The following MAF variants were observed in gnomAD, a reference collection of about 807,000 sequenced individuals.
MAF encodes the protein MAF bZIP transcription factor, also known as transcription factor Maf.
Under a neutral mutation model 22.0 loss-of-function variants are expected in MAF, and 10 were observed. That is an observed-to-expected ratio of 0.45 (90% CI 0.28 to 0.77). MAF has a LOEUF of 0.77. MAF is among the 30% of genes least tolerant of loss of function. The pLI is 0.12. For synonymous variants in MAF, 337 were observed against 255.8 expected, an observed-to-expected ratio of 1.32 and a Z score of -3.03; for missense variants, 544 against 548.4, an observed-to-expected ratio of 0.99 and a Z score of 0.08.
chr16:79,394,019 C>T, the MAF span, among the ~76,000 whole-genome samples: 1 of 152,158 alleles, frequency 6.6e-6, no homozygotes, highest in Non-Finnish European at 1.5e-5. Flanking sequence ...TTGCAAAGCA[C>T]CCTATTTCAC....
At chr16:79,429,804 C>G in the MAF span, among the ~76,000 whole-genome samples, 1 of 152,198 alleles carries the variant, frequency 6.6e-6, no homozygotes, top group East Asian at 1.9e-4. Context: ...GCTTTCTGCA[C>G]TTGCCTGGTG....
At chr16:79,254,783 A>C in the MAF span, among the ~76,000 whole-genome samples, 1 of 152,122 alleles carries the variant, frequency 6.6e-6, no homozygotes, top group African/African-American at 2.4e-5. Flanking sequence ...CTTGGCTGCA[A>C]ACTACAGCAG....
chr16:79,503,672 A>G, the MAF span, among the ~76,000 whole-genome samples: 48 of 152,244 alleles, frequency 3.2e-4, no homozygotes, highest in Middle Eastern at 3.4e-3. Context: ...GTTTTCTTGG[A>G]CAAGAAAAAT....
At chr16:79,211,668 G>T in the MAF span, 2 of 1,614,094 alleles carry the variant, frequency 1.2e-6, no homozygotes, top group Non-Finnish European at 1.7e-6. Flanking sequence ...GGGTCTGGGA[G>T]GGATGTACTT....
At chr16:79,282,292 C>T in the MAF span, among the ~76,000 whole-genome samples, 1 of 152,088 alleles carries the variant, frequency 6.6e-6, no homozygotes, top group Non-Finnish European at 1.5e-5. Context: ...ATTAAGGAAG[C>T]CACCCCAAGT....
chr16:79,310,248 T>G, the MAF span, among the ~76,000 whole-genome samples: 6 of 152,154 alleles, frequency 3.9e-5, no homozygotes. Flanking sequence ...CGGTCTCATT[T>G]TGTAATTTTG....
At chr16:79,535,741 G>A in the MAF span, among the ~76,000 whole-genome samples, 2,091 of 151,866 alleles carry the variant, frequency 0.014, 24 homozygotes, top group Non-Finnish European at 0.021. Context: ...GGGACTACAG[G>A]CACGTGCCAC....
chr16:79,237,818 A>G, the MAF span, among the ~76,000 whole-genome samples: 2 of 152,060 alleles, frequency 1.3e-5, no homozygotes, highest in East Asian at 3.9e-4. Flanking sequence ...TGATAATCCA[A>G]AATATTTCTA....
the MAF span, among the ~76,000 whole-genome samples, chr16:79,486,476 T>C: frequency 1.1e-4 from 16 of 152,314 alleles, no homozygotes; most frequent in East Asian, 2.9e-3. Context: ...AACAATATTT[T>C]ACCCAAAGAC....
chr16:79,363,454 A>G, the MAF span, among the ~76,000 whole-genome samples: 1 of 152,208 alleles, frequency 6.6e-6, no homozygotes, highest in Non-Finnish European at 1.5e-5. Flanking sequence ...CACAAAACCA[A>G]TTGTATAATA....
the MAF span, among the ~76,000 whole-genome samples, chr16:79,575,517 A>C: frequency 6.6e-6 from 1 of 152,228 alleles, no homozygotes; most frequent in Non-Finnish European, 1.5e-5. Context: ...TTTTCTGAGA[A>C]TTGGAGCTTA....
chr16:79,465,844 C>T, the MAF span, among the ~76,000 whole-genome samples: 1 of 152,182 alleles, frequency 6.6e-6, no homozygotes, highest in African/African-American at 2.4e-5. Flanking sequence ...AAAAGAGCTT[C>T]ATATGTCACC....
At chr16:79,451,455 T>C in the MAF span, among the ~76,000 whole-genome samples, 1 of 152,178 alleles carries the variant, frequency 6.6e-6, no homozygotes, top group African/African-American at 2.4e-5. Context: ...GTCAGCTAAA[T>C]TGTTCAAAAG....
chr16:79,480,769 T>C, the MAF span, among the ~76,000 whole-genome samples: 1 of 152,022 alleles, frequency 6.6e-6, no homozygotes, highest in African/African-American at 2.4e-5. Flanking sequence ...ACATGGAAGG[T>C]GAGTGTAGAA....
the MAF span, among the ~76,000 whole-genome samples, chr16:79,525,133 G>A: frequency 6.6e-6 from 1 of 151,692 alleles, no homozygotes; most frequent in Non-Finnish European, 1.5e-5. Flanking sequence ...TTTTCCCTGT[G>A]AGCTAAAAAT....
At chr16:79,340,777 C>T in the MAF span, among the ~76,000 whole-genome samples, 1 of 152,072 alleles carries the variant, frequency 6.6e-6, no homozygotes, top group Non-Finnish European at 1.5e-5. Context: ...GTTGTGATGA[C>T]TAAAAATGTC....
the MAF span, among the ~76,000 whole-genome samples, chr16:79,476,077 G>A: frequency 6.6e-6 from 1 of 152,198 alleles, no homozygotes; most frequent in Non-Finnish European, 1.5e-5. Flanking sequence ...GAGAATTTAA[G>A]CTTCCCCGAA....
the MAF span, among the ~76,000 whole-genome samples, chr16:79,520,836 T>C: frequency 6.6e-6 from 1 of 152,140 alleles, no homozygotes; most frequent in African/African-American, 2.4e-5. Context: ...AACATTGGCA[T>C]TGGCAAGGGA....
chr16:79,515,497 G>C, the MAF span, among the ~76,000 whole-genome samples: 1 of 152,234 alleles, frequency 6.6e-6, no homozygotes, highest in South Asian at 2.1e-4. Context: ...TTGCCCAACT[G>C]TAGGCTAACG....
Sources: allele counts gnomAD v4.1 joint callset (sites outside exome capture counted in the v4.1 genomes callset), GRCh38; gene constraint gnomAD v4.1.1; transcripts MANE v1.5; gene names NCBI Gene and HGNC (gene_info 2026-07-23, HGNC 2026-07-21).